Variants in TIMP2 observed in about 807,000 individuals in gnomAD.
TIMP2 encodes the protein metalloproteinase inhibitor 2.
Under a neutral mutation model 24.3 loss-of-function variants are expected in TIMP2, and 5 were observed. The ratio of observed to expected loss-of-function variants is 0.21; its 90% CI spans 0.11 to 0.43. The LOEUF (loss-of-function observed/expected upper bound fraction) is 0.43. Ranked by LOEUF, TIMP2 falls within the 20% of genes least tolerant of loss-of-function variation. The probability of loss-of-function intolerance (pLI) is 1.00; values close to 1 mark genes in which losing one functional copy is unlikely to be tolerated. For missense variants in TIMP2, 221 were observed against 297.5 expected, an observed-to-expected ratio of 0.74 and a Z score of 1.89; for synonymous variants, 130 against 123.2, an observed-to-expected ratio of 1.06 and a Z score of -0.37.
chr17:78,919,609 C>G (rs1205993117), intron 1 of TIMP2, among the ~76,000 whole-genome samples: 1 of 152,102 alleles, frequency 6.6e-6, no homozygotes, highest in African/African-American at 2.4e-5. Context: ...CCGAGGTGGG[C>G]GGATCACGAG....
chr17:78,869,432 A>G (rs1324542916), intron 3 of TIMP2, among the ~76,000 whole-genome samples: 1 of 150,536 alleles, frequency 6.6e-6, no homozygotes, highest in African/African-American at 2.4e-5. Flanking sequence ...AAAAAAACAA[A>G]CCAAAAAACT....
At chr17:78,883,212 G>A (rs2069794228) in intron 1 of TIMP2, among the ~76,000 whole-genome samples, 1 of 152,194 alleles carries the variant, frequency 6.6e-6, no homozygotes, top group African/African-American at 2.4e-5. Flanking sequence ...GGCACCATAG[G>A]AGCACACTGG....
intron 1 of TIMP2, among the ~76,000 whole-genome samples, chr17:78,874,641 C>A (rs1385536515): frequency 6.6e-6 from 1 of 151,910 alleles, no homozygotes; most frequent in Non-Finnish European, 1.5e-5. Context: ...GCAGTGGCAC[C>A]GTTTTGGCTC....
At chr17:78,875,747 G>A (rs991365858) in intron 1 of TIMP2, among the ~76,000 whole-genome samples, 14 of 152,238 alleles carry the variant, frequency 9.2e-5, no homozygotes, top group Admixed American at 9.2e-4. Context: ...CACGTGGTCG[G>A]CTCAAATCTC....
chr17:78,875,737 C>A (rs546409841), intron 1 of TIMP2, among the ~76,000 whole-genome samples: 3 of 152,178 alleles, frequency 2.0e-5, no homozygotes, highest in Non-Finnish European at 4.4e-5. Context: ...AGCCCCACCC[C>A]ACGTGGTCGG....
chr17:78,879,951 C>G (rs1010394040), intron 1 of TIMP2, among the ~76,000 whole-genome samples: 1 of 151,844 alleles, frequency 6.6e-6, no homozygotes. Context: ...ACCAAGGTCG[C>G]GGGAGACGAT....
Position 78,924,945 on chromosome 17 carries a change from T to C in TIMP2, c.130+14A>G. On this transcript the variant is annotated intron_variant, in intron 1 of 4. Transcript: ENST00000262768. The surrounding 1 kb of genome is among the most constrained non-coding windows in gnomAD (Gnocchi z 5.3). ...GTGGGGCCCCGCGCGGGGGCTGGGG[T>C]CGCCGCTCCTTACCTACATCTGCAT... The C allele has an allele frequency of 8.0e-7, 1 of 1,246,632 alleles. No individual in the cohort carries two copies. Among genetic ancestry groups the C allele is most frequent in the Non-Finnish European group, 1.0e-6 (1 of 986,410 alleles). The allele number at this position is 1,246,632 out of a possible 1,614,324, so 77.2% of individuals were successfully genotyped here.
rs545604260 is a variant in TIMP2, at chr17:78,856,116, C to T, written c.466-252G>A. ...GCAGGTGTGCTTCCCTTTGGGCCAT[C>T]TTCTACCTTCCTGAGCATGACAGAA... On this transcript the variant is annotated intron_variant, in intron 4 of 4. Coordinates refer to ENST00000262768, the MANE Select transcript of TIMP2 (RefSeq NM_003255.5). 6.5e-5 allele frequency: 35 copies of T among 542,456 alleles called. 1 individual carries two copies. In the East Asian group the frequency reaches 1.1e-3, roughly 17 times the overall value. The allele number at this position is 542,456 out of a possible 1,614,324, so 33.6% of individuals were successfully genotyped here. A position where few individuals can be genotyped will look rare whatever the true frequency, so the allele number is the denominator to read the frequency against.
chr17:78,892,382 T>C (rs1368610059), intron 1 of TIMP2: 2 of 1,550,480 alleles, frequency 1.3e-6, no homozygotes, highest in African/African-American at 1.4e-5. Context: ...GGGAAGGTGC[T>C]TGGAGCCAAG....
chr17:78,889,896 GA>G (rs1303555625), intron 1 of TIMP2, among the ~76,000 whole-genome samples: 1 of 152,202 alleles, frequency 6.6e-6, no homozygotes, highest in African/African-American at 2.4e-5. Context: ...AAGGCAGGCG[GA>G]TCACGAGATC....
At chr17:78,881,002 C>T (rs759086414) in intron 1 of TIMP2, among the ~76,000 whole-genome samples, 3 of 152,204 alleles carry the variant, frequency 2.0e-5, no homozygotes, top group South Asian at 2.1e-4. Flanking sequence ...GCTCAGGCAG[C>T]GGGAGAAGGT....
chr17:78,916,642 G>A (rs1353663679), intron 1 of TIMP2, among the ~76,000 whole-genome samples: 1 of 152,144 alleles, frequency 6.6e-6, no homozygotes, highest in Non-Finnish European at 1.5e-5. Flanking sequence ...GTAACTGCGA[G>A]CCTCTCAACA....
Position 78,891,970 on chromosome 17 carries a change from C to T in TIMP2, c.131-18051G>A. The T allele has an allele frequency of 6.4e-7, 1 of 1,550,610 alleles. No individual in the cohort carries two copies. Among genetic ancestry groups the T allele is most frequent in the Non-Finnish European group, 8.7e-7 (1 of 1,147,002 alleles). On this transcript the variant is annotated intron_variant, in intron 1 of 4. Coordinates refer to ENST00000262768, the MANE Select transcript of TIMP2 (RefSeq NM_003255.5). The surrounding 1 kb of genome is among the most constrained non-coding windows in gnomAD (Gnocchi z 4.5). ...GCTGGCCCAACTCTTCCCTGCAACT[C>T]CTCTCTTCACTAAGGGCTGCTCTAT...
rs925617526 is a variant in TIMP2, at chr17:78,891,865, C to G, written c.131-17946G>C. 6.4e-7 allele frequency: 1 copy of G among 1,550,564 alleles called. No individual in the cohort carries two copies. Among genetic ancestry groups the G allele is most frequent in the Non-Finnish European group, 8.7e-7 (1 of 1,147,020 alleles). On this transcript the variant is annotated intron_variant, in intron 1 of 4. Transcript: ENST00000262768. This position sits in a 1 kb window ranked among gnomAD's most constrained non-coding sequence, Gnocchi z 4.5. ...TCTCAGGCGGGGCCAGGTGAGAATT[C>G]ATCCGACCCGTGGCTTTTGTAGTCT...
chr17:78,879,099 A>C (rs932927725), intron 1 of TIMP2, among the ~76,000 whole-genome samples: 5 of 152,196 alleles, frequency 3.3e-5, no homozygotes, highest in Non-Finnish European at 5.9e-5. Flanking sequence ...GTTGTTGCCC[A>C]GAGGTGACAG....
intron 1 of TIMP2, among the ~76,000 whole-genome samples, chr17:78,876,254 C>A (rs1211533338): frequency 6.6e-6 from 1 of 152,188 alleles, no homozygotes; most frequent in Admixed American, 6.5e-5. Context: ...CTGTGCCCAA[C>A]ACCCCCCACC....
intron 4 of TIMP2, chr17:78,856,073 G>A (rs982991458): frequency 8.4e-6 from 5 of 592,840 alleles, no homozygotes; most frequent in South Asian, 2.0e-5. Context: ...CCTGCCCACC[G>A]CTGCCCCCCC....
intron 3 of TIMP2, among the ~76,000 whole-genome samples, chr17:78,864,727 G>A (rs1364131427): frequency 6.6e-6 from 1 of 152,024 alleles, no homozygotes; most frequent in African/African-American, 2.4e-5. Flanking sequence ...ACATATTTTG[G>A]AAACTTTAAA....
chr17:78,922,243 A>G (rs1043042096), intron 1 of TIMP2: 4 of 152,210 alleles, frequency 2.6e-5, no homozygotes, highest in Non-Finnish European at 5.9e-5. Context: ...AACACTGGAG[A>G]ATAGACAGGC....
Sources: allele counts gnomAD v4.1 joint callset (sites outside exome capture counted in the v4.1 genomes callset), GRCh38; gene constraint gnomAD v4.1.1; non-coding constraint Gnocchi (gnomAD v3.1); transcripts MANE v1.5; gene names NCBI Gene and HGNC (gene_info 2026-07-23, HGNC 2026-07-21).